Variants in GLT8D2 observed in about 807,000 individuals in gnomAD.
GLT8D2 encodes glycosyltransferase 8 domain-containing protein 2.
GLT8D2 carries 45 observed loss-of-function variants against 44.5 expected under a neutral mutation model. The ratio of observed to expected loss-of-function variants is 1.01; its 90% CI spans 0.80 to 1.30. The LOEUF is 1.30. Ranked by LOEUF, GLT8D2 falls within the 50% of genes most tolerant of loss-of-function variation. The pLI, the probability that GLT8D2 is intolerant of heterozygous loss-of-function variation, is 0.00. For synonymous variants in GLT8D2, 156 were observed against 157.2 expected, an observed-to-expected ratio of 0.99 and a Z score of 0.06; for missense variants, 400 against 430.4, an observed-to-expected ratio of 0.93 and a Z score of 0.62.
At chr12:104,015,709 A>C (rs981052152) in intron 3 of GLT8D2, among the ~76,000 whole-genome samples, 3 of 152,130 alleles carry the variant, frequency 2.0e-5, no homozygotes, top group Non-Finnish European at 4.4e-5. Flanking sequence ...TTCCAAATAT[A>C]AGATTATATT....
chr12:104,031,165 C>A (rs1879206288), intron 1 of GLT8D2: 36 of 1,605,190 alleles, frequency 2.2e-5, no homozygotes, highest in Admixed American at 5.1e-5. Context: ...TGGAGCCCGA[C>A]CATCCTTTCT....
chr12:104,039,702 T>G (rs1419502725), intron 1 of GLT8D2, among the ~76,000 whole-genome samples: 1 of 152,104 alleles, frequency 6.6e-6, no homozygotes, highest in Non-Finnish European at 1.5e-5. Flanking sequence ...TTGGTGGGAG[T>G]GTAAACTGGT....
At chr12:104,026,278 CAA>C (rs760871849) in intron 1 of GLT8D2, among the ~76,000 whole-genome samples, 27 of 78,804 alleles carry the variant, frequency 3.4e-4, no homozygotes, top group African/African-American at 4.9e-4. Flanking sequence ...GACTCTGTCT[CAA>C]AAAAAAAAAA....
At chr12:104,055,527 T>A (rs937596595) in intron 1 of GLT8D2, among the ~76,000 whole-genome samples, 16 of 152,350 alleles carry the variant, frequency 1.1e-4, no homozygotes, top group Admixed American at 5.2e-4. Flanking sequence ...CTAAGTTTGG[T>A]TAGATTTAGT....
chr12:104,062,884 C>T lies in GLT8D2; in HGVS notation c.-423+1065G>A, dbSNP rs1392147086. 2.6e-5 allele frequency among the ~76,000 whole-genome samples: 4 copies of T among 152,132 alleles called. 1 individual carries two copies. Among genetic ancestry groups the T allele is most frequent in the Non-Finnish European group, 2.9e-5 (2 of 68,032 alleles). ...GGTCCCCAGTCCCCAGCAACCAGTCCTCGGCCTGTTCGGAACCCCCATGAC... is the reference window on the plus strand; with the variant it reads ...GGTCCCCAGTCCCCAGCAACCAGTCTTCGGCCTGTTCGGAACCCCCATGAC... On this transcript the variant is annotated intron_variant, in intron 1 of 10. Coordinates refer to the GLT8D2 transcript ENST00000548660.
chr12:103,994,126 G>A (rs1206521157), intron 9 of GLT8D2: 3 of 356,928 alleles, frequency 8.4e-6, no homozygotes, highest in South Asian at 8.9e-5. Context: ...GGGACTCCTC[G>A]CTCCACAGGA....
intron 4 of GLT8D2, among the ~76,000 whole-genome samples, chr12:104,007,009 C>T (rs1050139950): frequency 6.6e-6 from 1 of 152,136 alleles, no homozygotes; most frequent in Non-Finnish European, 1.5e-5. Flanking sequence ...AGTCAAGTTT[C>T]TCAAACGTTG....
At chr12:104,019,180 T>G (rs568464605) in intron 3 of GLT8D2, among the ~76,000 whole-genome samples, 1 of 149,494 alleles carries the variant, frequency 6.7e-6, no homozygotes, top group East Asian at 2.0e-4. Context: ...CAGGCTGGCA[T>G]GCAGTGGTGC....
At chr12:104,026,794 C>T (rs186866970) in intron 1 of GLT8D2, among the ~76,000 whole-genome samples, 8 of 152,240 alleles carry the variant, frequency 5.3e-5, no homozygotes, top group Non-Finnish European at 8.8e-5. Flanking sequence ...GTTAATTTGC[C>T]ATGAAAAACA....
intron 1 of GLT8D2, among the ~76,000 whole-genome samples, chr12:104,040,661 T>C (rs1880437452): frequency 1.3e-5 from 2 of 152,040 alleles, no homozygotes; most frequent in South Asian, 4.2e-4. Flanking sequence ...CCTGACCTCG[T>C]GATCCACCCG....
intron 1 of GLT8D2, among the ~76,000 whole-genome samples, chr12:104,023,214 G>A (rs1878136804): frequency 6.6e-6 from 1 of 152,208 alleles, no homozygotes; most frequent in Non-Finnish European, 1.5e-5. Context: ...TGGGTTGATA[G>A]ATGCAGCAAA....
At chr12:104,044,336 C>A (rs2136487969) in intron 1 of GLT8D2, among the ~76,000 whole-genome samples, 1 of 152,328 alleles carries the variant, frequency 6.6e-6, no homozygotes, top group Admixed American at 6.5e-5. Context: ...GGTGTACTGG[C>A]TGCCATCCAA....
chr12:104,043,005 A>G (rs118108148), intron 1 of GLT8D2, among the ~76,000 whole-genome samples: 1 of 152,164 alleles, frequency 6.6e-6, no homozygotes, highest in Non-Finnish European at 1.5e-5. Context: ...GAACTGCACC[A>G]CAGGACTTGT....
In GLT8D2 at chr12:104,019,642, G is replaced by C. The variant is rs1323554101; in HGVS notation, c.7C>G (p.Leu3Val). The C allele has an allele frequency of 1.2e-6, 2 of 1,610,004 alleles. No homozygotes were observed. The highest frequency in any genetic ancestry group is 1.7e-6 in the Non-Finnish European group (2 of 1,177,254). ...GTTGAAATCTTACTTTTTCGTAACA[G>C]AGCCATGTGTATTCACGCGGATAAG... MA[L>V]LRKINQVLLF... Residue 3 changes from leucine (L) to valine (V), a missense_variant, in exon 3 of 11, where the codon CTG becomes GTG. By Grantham distance (32) the Leu-to-Val change is conservative. Transcript: ENST00000360814.
At chr12:104,006,891 A>C (rs1875086682) in intron 4 of GLT8D2, among the ~76,000 whole-genome samples, 1 of 152,138 alleles carries the variant, frequency 6.6e-6, no homozygotes. Flanking sequence ...AGAACTGAAA[A>C]GCCTCATTTG....
chr12:103,994,748 G>A (rs776495597), intron 8 of GLT8D2, among the ~76,000 whole-genome samples: 2 of 152,074 alleles, frequency 1.3e-5, no homozygotes, highest in Non-Finnish European at 2.9e-5. Context: ...AAACAGCCTT[G>A]TCCAGTCTCA....
intron 1 of GLT8D2, among the ~76,000 whole-genome samples, chr12:104,046,176 G>A (rs1018059549): frequency 1.4e-4 from 21 of 152,196 alleles, no homozygotes; most frequent in African/African-American, 3.9e-4. Flanking sequence ...AATTAGCTGT[G>A]TAATCATGGG....
rs147542033 is a variant in GLT8D2, at chr12:104,025,352, G to A, written c.-163-3861C>T. On this transcript the variant is annotated intron_variant, in intron 1 of 10. Coordinates refer to ENST00000360814, the MANE Select transcript of GLT8D2 (RefSeq NM_001384711.1). Reference sequence around the variant, plus strand: ...GCCTCCCAAGCAGCTGGGACTACAGGTGCACACCACTGCACCTGGCTAATT... The same window carrying A: ...GCCTCCCAAGCAGCTGGGACTACAGATGCACACCACTGCACCTGGCTAATT... 8.6e-3 allele frequency among the ~76,000 whole-genome samples: 1,300 copies of A among 151,892 alleles called. 24 individuals are homozygous for A. Among genetic ancestry groups the A allele is most frequent in the African/African-American group, 0.029 (1,196 of 41,420 alleles).
intron 1 of GLT8D2, among the ~76,000 whole-genome samples, chr12:104,027,904 G>A (rs1878773975): frequency 6.6e-6 from 1 of 152,146 alleles, no homozygotes; most frequent in Admixed American, 6.5e-5. Flanking sequence ...GAGAATTGGG[G>A]TCCAGATAAC....
Sources: allele counts gnomAD v4.1 joint callset (sites outside exome capture counted in the v4.1 genomes callset), GRCh38; gene constraint gnomAD v4.1.1; transcripts MANE v1.5; gene names NCBI Gene and HGNC (gene_info 2026-07-23, HGNC 2026-07-21).